CNTNAP5: variants seen among roughly 807,000 people sequenced by gnomAD.
CNTNAP5 encodes contactin-associated protein-like 5.
In CNTNAP5, 72 loss-of-function variants were observed where a neutral mutation model predicts 150.2. The ratio of observed to expected loss-of-function variants is 0.48; its 90% CI spans 0.40 to 0.58. CNTNAP5 has a LOEUF of 0.58. Ranked by LOEUF, CNTNAP5 falls within the 20% of genes least tolerant of loss-of-function variation. The pLI, the probability that CNTNAP5 is intolerant of heterozygous loss-of-function variation, is 0.00. For missense variants in CNTNAP5, 1,636 were observed against 1,626.2 expected (o/e 1.01, Z -0.10); for synonymous variants, 672 against 619.8 (o/e 1.08, Z -1.25).
intron 1 of CNTNAP5, among the ~76,000 whole-genome samples, chr2:124,059,008 T>A (rs536045011): frequency 1.3e-5 from 2 of 152,042 alleles, no homozygotes; most frequent in Non-Finnish European, 2.9e-5. Context: ...TCACAGGGTA[T>A]TTTTTTTAAG....
At chr2:124,170,413 A>G (rs191371764) in intron 1 of CNTNAP5, among the ~76,000 whole-genome samples, 1 of 152,322 alleles carries the variant, frequency 6.6e-6, no homozygotes, top group Admixed American at 6.5e-5. Flanking sequence ...CTTTTCAGAA[A>G]TCTTGCCAGT....
chr2:124,880,207 G>A (rs1677938790), intron 21 of CNTNAP5, among the ~76,000 whole-genome samples: 1 of 152,116 alleles, frequency 6.6e-6, no homozygotes, highest in African/African-American at 2.4e-5. Flanking sequence ...CCATTTCTAA[G>A]AATGATTTGA....
intron 1 of CNTNAP5, among the ~76,000 whole-genome samples, chr2:124,033,722 C>A (rs564910882): frequency 6.6e-6 from 1 of 152,292 alleles, no homozygotes; most frequent in African/African-American, 2.4e-5. Flanking sequence ...CCCTTGATTG[C>A]AATGCTCCAT....
At chr2:124,049,011 A>T (rs1184542945) in intron 1 of CNTNAP5, among the ~76,000 whole-genome samples, 2 of 152,156 alleles carry the variant, frequency 1.3e-5, no homozygotes, top group Admixed American at 1.3e-4. Flanking sequence ...GCAAGGGAGG[A>T]TGTCTAAAAC....
chr2:124,150,929 T>G (rs977767752), intron 1 of CNTNAP5, among the ~76,000 whole-genome samples: 2 of 152,184 alleles, frequency 1.3e-5, no homozygotes, highest in African/African-American at 4.8e-5. Context: ...TTTTGGCATA[T>G]CCAAGTAAAT....
intron 1 of CNTNAP5, among the ~76,000 whole-genome samples, chr2:124,108,607 A>G (rs1332750946): frequency 6.6e-6 from 1 of 152,124 alleles, no homozygotes; most frequent in Non-Finnish European, 1.5e-5. Context: ...TTCCTCTCTC[A>G]TGTGCACATT....
In CNTNAP5 at chr2:124,914,343, C is replaced by T; in HGVS notation, c.*55C>T. 8.2e-7 allele frequency: 1 copy of T among 1,220,504 alleles called. No individual in the cohort carries two copies. The highest frequency in any genetic ancestry group is 2.4e-5 in the East Asian group (1 of 41,974). The allele number at this position is 1,220,504 out of a possible 1,614,324, so 75.6% of individuals were successfully genotyped here. A position where few individuals can be genotyped will look rare whatever the true frequency, so the allele number is the denominator to read the frequency against. On this transcript the variant is annotated 3_prime_UTR_variant, in exon 24 of 24. Transcript: ENST00000682447. ...TCTTGTTGTTCAATTATCTCCTCCCCCTCTTCTCTCCTGTCTTTTGATTTG... is the reference window on the plus strand; with the variant it reads ...TCTTGTTGTTCAATTATCTCCTCCCTCTCTTCTCTCCTGTCTTTTGATTTG...
chr2:124,488,261 A>T (rs537144182), intron 7 of CNTNAP5, among the ~76,000 whole-genome samples: 83 of 152,302 alleles, frequency 5.4e-4, no homozygotes, highest in African/African-American at 2.0e-3. Flanking sequence ...TCTTGTTATC[A>T]GTATTCTGCC....
chr2:124,792,664 T>C (rs1681759017), intron 18 of CNTNAP5, among the ~76,000 whole-genome samples: 1 of 152,196 alleles, frequency 6.6e-6, no homozygotes, highest in Non-Finnish European at 1.5e-5. Flanking sequence ...AAATTCCATG[T>C]CATTAGCAGC....
chr2:124,815,114 A>G (rs1326500518), intron 19 of CNTNAP5, among the ~76,000 whole-genome samples: 1 of 152,236 alleles, frequency 6.6e-6, no homozygotes, highest in Non-Finnish European at 1.5e-5. Flanking sequence ...TCTCCGTAGC[A>G]ATAACTAAGT....
At position 124,130,432 on chromosome 2, in the gene CNTNAP5, G is replaced by T. The variant is rs1469625741; in HGVS notation, c.83-91273G>T. On this transcript the variant is annotated intron_variant, in intron 1 of 23. Coordinates refer to ENST00000682447, the MANE Select transcript of CNTNAP5 (RefSeq NM_001367498.1). ...TATACCTGCCCCCTCCTCCATCCAAGCTAAATCTTGCAGGTGGAATGAGTG... is the reference window on the plus strand; with the variant it reads ...TATACCTGCCCCCTCCTCCATCCAATCTAAATCTTGCAGGTGGAATGAGTG... Among the ~76,000 whole-genome samples, 6 of 151,852 alleles carry T rather than the reference G, an allele frequency of 4.0e-5. No homozygotes were observed. In the East Asian group the frequency reaches 1.2e-3, roughly 29 times the overall value.
chr2:124,722,077 A>G (rs903060058), intron 13 of CNTNAP5, among the ~76,000 whole-genome samples: 1 of 151,982 alleles, frequency 6.6e-6, no homozygotes, highest in African/African-American at 2.4e-5. Flanking sequence ...TCATTTTTTA[A>G]AAGACCTTAT....
At chr2:124,823,898 A>T (rs1406629919) in intron 19 of CNTNAP5, among the ~76,000 whole-genome samples, 2 of 150,966 alleles carry the variant, frequency 1.3e-5, no homozygotes, top group African/African-American at 4.9e-5. Flanking sequence ...GCTGGCCATG[A>T]GTGACAGTTC....
At chr2:124,227,060 C>T (rs1042176805) in intron 2 of CNTNAP5, among the ~76,000 whole-genome samples, 4 of 152,094 alleles carry the variant, frequency 2.6e-5, no homozygotes, top group Admixed American at 2.6e-4. Context: ...ATTAAGTTTC[C>T]ACATGAGTTT....
intron 18 of CNTNAP5, among the ~76,000 whole-genome samples, chr2:124,795,802 C>T (rs367729752): frequency 3.3e-5 from 5 of 152,230 alleles, no homozygotes; most frequent in African/African-American, 7.2e-5. Flanking sequence ...CAGGTGTGAG[C>T]CACTGTGCCT....
chr2:124,825,204 T>G (rs1404279344), intron 19 of CNTNAP5, among the ~76,000 whole-genome samples: 2 of 152,334 alleles, frequency 1.3e-5, no homozygotes, highest in South Asian at 2.1e-4. Flanking sequence ...ATACAAGGCA[T>G]AGTGTATGTA....
At chr2:124,328,068 T>TA (rs1264388160) in intron 3 of CNTNAP5, among the ~76,000 whole-genome samples, 5 of 150,764 alleles carry the variant, frequency 3.3e-5, no homozygotes, top group South Asian at 2.1e-4. Flanking sequence ...TAAGAAAAAA[T>TA]AAAAAAAAGC....
chr2:124,852,760 G>T (rs1452869357), intron 19 of CNTNAP5, among the ~76,000 whole-genome samples: 2 of 152,206 alleles, frequency 1.3e-5, no homozygotes, highest in Non-Finnish European at 2.9e-5. Flanking sequence ...TTGCGGCATG[G>T]TGAAGACCTG....
At chr2:124,198,731 TA>T (rs1685649187) in intron 1 of CNTNAP5, among the ~76,000 whole-genome samples, 1 of 152,166 alleles carries the variant, frequency 6.6e-6, no homozygotes, top group Non-Finnish European at 1.5e-5. Context: ...CTTAAAGTCA[TA>T]AAGACATTGT....
Sources: gnomAD v4.1 joint callset for allele counts (sites outside exome capture counted in the v4.1 genomes callset) on GRCh38, gnomAD v4.1.1 for gene constraint, MANE v1.5 for transcripts, NCBI Gene and HGNC (gene_info 2026-07-23, HGNC 2026-07-21) for gene names.